FASTKD2: variants seen among roughly 807,000 people sequenced by gnomAD.
The protein encoded by FASTKD2 is FAST kinase domains 2.
FASTKD2 carries 51 observed loss-of-function variants against 63.6 expected under a neutral mutation model. The ratio of observed to expected loss-of-function variants is 0.80; its 90% CI spans 0.64 to 1.01. The LOEUF (loss-of-function observed/expected upper bound fraction) is 1.01. Among genes scored for constraint, FASTKD2 ranks in the 50% least tolerant of loss-of-function variants. FASTKD2 has a pLI of 0.00. For missense variants in FASTKD2, 786 were observed against 831.1 expected (o/e 0.95, Z 0.67); for synonymous variants, 284 against 293.4 (o/e 0.97, Z 0.33).
intron 10 of FASTKD2, 28 bp from the exon 11 acceptor site, chr2:206,790,544 T>A (rs770326170): frequency 7.7e-7 from 1 of 1,296,690 alleles, no homozygotes; most frequent in Non-Finnish European, 1.1e-6. Flanking sequence ...TCAATAACTG[T>A]TCTTGTTTTG....
chr2:206,770,586 C>T (rs538295873), intron 3 of FASTKD2, among the ~76,000 whole-genome samples: 40 of 151,860 alleles, frequency 2.6e-4, no homozygotes, highest in Admixed American at 1.3e-3. Flanking sequence ...AAAAATTAGC[C>T]GGGTGTGGTG....
intron 7 of FASTKD2, among the ~76,000 whole-genome samples, chr2:206,780,013 C>A (rs12478693): frequency 0.12 from 18,005 of 152,138 alleles, 1,533 homozygotes; most frequent in African/African-American, 0.24. Context: ...CATACAAAAG[C>A]TGTACACTTG....
chr2:206,791,095 G>C, intron 11 of FASTKD2: 1 of 235,966 alleles, frequency 4.2e-6, no homozygotes. Flanking sequence ...GAAAAGGCTG[G>C]ATGGTTTTAA....
intron 2 of FASTKD2, 73 bp downstream of exon 2, chr2:206,767,543 T>G: frequency 8.1e-6 from 9 of 1,115,260 alleles, no homozygotes; most frequent in Non-Finnish European, 1.2e-5. Context: ...GGGATATAGA[T>G]ATGTAGCCTT....
chr2:206,777,331 C>T (rs140237033), intron 7 of FASTKD2, among the ~76,000 whole-genome samples: 22 of 152,128 alleles, frequency 1.4e-4, no homozygotes, highest in Middle Eastern at 6.8e-3. Flanking sequence ...GTCTTACTTA[C>T]GGTGAGGCAC....
intron 7 of FASTKD2, among the ~76,000 whole-genome samples, chr2:206,777,488 A>G (rs1010175774): frequency 1.3e-5 from 2 of 152,134 alleles, no homozygotes; most frequent in Non-Finnish European, 1.5e-5. Flanking sequence ...TGACTTGCAT[A>G]TACTGAACCG....
intron 6 of FASTKD2, among the ~76,000 whole-genome samples, chr2:206,773,184 G>A (rs953481747): frequency 3.9e-5 from 6 of 151,938 alleles, no homozygotes; most frequent in African/African-American, 1.5e-4. Context: ...GCATGGTGAC[G>A]TGTCCCTGTA....
At chr2:206,790,549 G>A in intron 10 of FASTKD2, 23 bp from the exon 11 acceptor site, 3 of 1,362,228 alleles carry the variant, frequency 2.2e-6, no homozygotes, top group Non-Finnish European at 3.2e-6. Context: ...AACTGTTCTT[G>A]TTTTGTTTAT....
chr2:206,774,468 T>G, intron 7 of FASTKD2, 71 bp downstream of exon 7: 1 of 992,852 alleles, frequency 1.0e-6, no homozygotes, highest in Middle Eastern at 3.1e-4. Flanking sequence ...ATCATAAGCT[T>G]AATGAATTAT....
chr2:206,795,101 C>A lies in FASTKD2; in HGVS notation c.*3299C>A, dbSNP rs1274189542. ...CAGGCAGCAAAGGACAGATCTCTCT[C>A]ATACTCTTCATTCACAGGGCCTGAG... On this transcript the variant is annotated 3_prime_UTR_variant, in exon 12 of 12. Transcript: ENST00000402774. 6.6e-6 allele frequency among the ~76,000 whole-genome samples: 1 copy of A among 152,230 alleles called. No homozygotes were observed. The highest frequency in any genetic ancestry group is 1.5e-5 in the Non-Finnish European group (1 of 68,044).
intron 7 of FASTKD2, among the ~76,000 whole-genome samples, chr2:206,780,844 C>G (rs1689953103): frequency 6.6e-6 from 1 of 152,094 alleles, no homozygotes. Context: ...TTCACATGAC[C>G]TGCTTCAAAT....
At chr2:206,788,346 C>T (rs1363829951) in intron 9 of FASTKD2, among the ~76,000 whole-genome samples, 191 bp downstream of exon 9, 1 of 152,078 alleles carries the variant, frequency 6.6e-6, no homozygotes, top group African/African-American at 2.4e-5. Context: ...TGTCTAAAAT[C>T]CCAAGACTAG....
At chr2:206,787,310 G>A (rs780412080) in intron 8 of FASTKD2, among the ~76,000 whole-genome samples, 4 of 152,052 alleles carry the variant, frequency 2.6e-5, no homozygotes, top group Non-Finnish European at 4.4e-5. Context: ...CCTGTGATGA[G>A]GGAACACCTG....
chr2:206,788,693 C>T, intron 9 of FASTKD2, 126 bp from the exon 10 acceptor site: 3 of 634,760 alleles, frequency 4.7e-6, no homozygotes, highest in South Asian at 3.6e-5. Flanking sequence ...GATCACACTA[C>T]TGCACTCCAG....
Position 206,767,029 on chromosome 2 carries a change from GT to G in FASTKD2, c.342del (p.Phe114LeufsTer17), listed in dbSNP as rs1559357898. ...IERLLYAKRL[F>X]FDSKQSLVPV... is the part of the protein sequence containing the mutation. ...AAAGACTACTTTATGCTAAAAGACT[GT>G]TTTTTGACTCAAAGCAGTCTCTTGT... On this transcript the variant is annotated frameshift_variant, in exon 2 of 12. Transcript: ENST00000402774. LOFTEE classifies it high-confidence loss of function. 3 of 1,613,932 alleles carry G rather than the reference GT, an allele frequency of 1.9e-6. No individual in the cohort carries two copies. The highest frequency in any genetic ancestry group is 1.1e-5 in the South Asian group (1 of 91,068).
Position 206,772,232 on chromosome 2 carries a change from G to C in FASTKD2, c.1166G>C (p.Cys389Ser). Residue 389 changes from cysteine to serine, a missense_variant, in exon 6 of 12, where the codon TGC becomes TCC. Cys to Ser is a moderately radical substitution (Grantham distance 112). Coordinates refer to ENST00000402774, the MANE Select transcript of FASTKD2 (RefSeq NM_001136193.2). Reference sequence around the variant, plus strand: ...ATAATGATCAACATATTGCAGTCCTGCAAAGACCTCCAGTACCATAATTTG... The same window carrying C: ...ATAATGATCAACATATTGCAGTCCTCCAAAGACCTCCAGTACCATAATTTG... ...LRIMINILQS[C>S]KDLQYHNLDL... 1 of 1,613,236 alleles carries C rather than the reference G, an allele frequency of 6.2e-7. No individual in the cohort carries two copies. Among genetic ancestry groups the C allele is most frequent in the Non-Finnish European group, 8.5e-7 (1 of 1,179,194 alleles).
chr2:206,774,179 A>C, intron 6 of FASTKD2, 46 bp from the exon 7 acceptor site: 2 of 1,336,676 alleles, frequency 1.5e-6, no homozygotes, highest in Non-Finnish European at 2.1e-6. Flanking sequence ...TACTATTAGC[A>C]TACTGTAATT....
chr2:206,775,331 CT>C (rs34694536), intron 7 of FASTKD2, among the ~76,000 whole-genome samples: 41,997 of 145,936 alleles, frequency 0.29, 6,500 homozygotes, highest in East Asian at 0.71. Flanking sequence ...TACCAAATGC[CT>C]TTTTTTTTTT....
At chr2:206,776,265 A>G (rs567025782) in intron 7 of FASTKD2, among the ~76,000 whole-genome samples, 2 of 151,958 alleles carry the variant, frequency 1.3e-5, no homozygotes, top group East Asian at 3.9e-4. Context: ...TATATTTTGG[A>G]TAATAACTGC....
Sources: allele counts gnomAD v4.1 joint callset (sites outside exome capture counted in the v4.1 genomes callset), GRCh38; gene constraint gnomAD v4.1.1; transcripts MANE v1.5; gene names NCBI Gene and HGNC (gene_info 2026-07-23, HGNC 2026-07-21).